Variants in CFAP92 observed in about 807,000 individuals in gnomAD.
CFAP92 encodes cilia and flagella associated protein 92 (putative), also known as uncharacterized protein CFAP92.
A neutral mutation model predicts 106.3 loss-of-function variants in CFAP92; 86 were observed. The ratio of observed to expected loss-of-function variants is 0.81; its 90% CI spans 0.68 to 0.97. CFAP92 has a LOEUF of 0.97. Among genes scored for constraint, CFAP92 ranks in the 50% least tolerant of loss-of-function variants. CFAP92 has a pLI of 0.00. For synonymous variants in CFAP92, 477 were observed against 506.4 expected (o/e 0.94, Z 0.78); for missense variants, 1,204 against 1,283.8 (o/e 0.94, Z 0.95).
rs1936089576 is a variant in CFAP92, at chr3:128,910,050, G to A, written c.*249C>T. The A allele has an allele frequency of 6.2e-7, 1 of 1,613,932 alleles. No homozygotes were observed. The highest frequency in any genetic ancestry group is 8.5e-7 in the Non-Finnish European group (1 of 1,179,990). ...TCATGGAGGAGCAGCTGGTACTGAA[G>A]CGGGTGGCCAACATCCTCATCAACC... On this transcript the variant is annotated 3_prime_UTR_variant, in exon 16 of 16. Coordinates refer to ENST00000645291, the MANE Select transcript of CFAP92 (RefSeq NM_001394090.1).
chr3:128,981,814 G>T (rs1943554466), intron 4 of CFAP92, among the ~76,000 whole-genome samples: 2 of 152,230 alleles, frequency 1.3e-5, no homozygotes, highest in Admixed American at 6.5e-5. Flanking sequence ...CTCCATCAGA[G>T]ACCTCAGGCA....
At chr3:128,944,142 C>T (rs892582104) in intron 10 of CFAP92, among the ~76,000 whole-genome samples, 1 of 151,738 alleles carries the variant, frequency 6.6e-6, no homozygotes, top group East Asian at 1.9e-4. Context: ...GTTGCCCAGG[C>T]TGGTCTTGAA....
At chr3:128,950,617 A>G (rs1940686185) in intron 9 of CFAP92, among the ~76,000 whole-genome samples, 1 of 152,180 alleles carries the variant, frequency 6.6e-6, no homozygotes, top group Admixed American at 6.5e-5. Context: ...ATTACAGCAA[A>G]AGAGACAAAG....
chr3:128,931,702 T>C (rs751890573), intron 12 of CFAP92, among the ~76,000 whole-genome samples: 18 of 151,910 alleles, frequency 1.2e-4, no homozygotes, highest in Non-Finnish European at 2.6e-4. Flanking sequence ...CTGATTCTTT[T>C]GAAAAAGCTA....
At chr3:128,927,723 C>CTAA (rs1937839589) in intron 12 of CFAP92, among the ~76,000 whole-genome samples, 1 of 107,726 alleles carries the variant, frequency 9.3e-6, no homozygotes, top group Admixed American at 1.0e-4. Context: ...GACTCTGTCT[C>CTAA]AAAAAAAAAA....
intron 4 of CFAP92, among the ~76,000 whole-genome samples, chr3:128,987,161 G>A (rs149360179): frequency 0.02 from 3,067 of 151,148 alleles, 116 homozygotes; most frequent in African/African-American, 0.07. Context: ...ACTCCATCTC[G>A]AAAGAAAAAA....
At chr3:128,978,779 C>T (rs530011480) in intron 4 of CFAP92, among the ~76,000 whole-genome samples, 19 of 152,316 alleles carry the variant, frequency 1.2e-4, no homozygotes, top group Admixed American at 6.5e-4. Context: ...TGGATCCCTT[C>T]CTTACACCTT....
upstream of CFAP92, among the ~76,000 whole-genome samples, chr3:128,997,298 A>G (rs1944516308): frequency 6.6e-6 from 1 of 152,148 alleles, no homozygotes; most frequent in African/African-American, 2.4e-5. Context: ...CCCCTTCCCC[A>G]TTTTTAACAG....
chr3:129,002,218 G>T, intron 1 of CFAP92: 1 of 1,529,086 alleles, frequency 6.5e-7, no homozygotes, highest in Non-Finnish European at 8.7e-7. Flanking sequence ...GGTCCTGACT[G>T]TGAGCGCGTT....
intron 9 of CFAP92, among the ~76,000 whole-genome samples, chr3:128,958,843 G>T (rs1941646946): frequency 6.6e-6 from 1 of 152,092 alleles, no homozygotes; most frequent in Non-Finnish European, 1.5e-5. Flanking sequence ...TGAGGCTGCA[G>T]TAAGTTATGA....
At chr3:128,958,622 C>G (rs894389275) in intron 9 of CFAP92, among the ~76,000 whole-genome samples, 1 of 152,190 alleles carries the variant, frequency 6.6e-6, no homozygotes, top group African/African-American at 2.4e-5. Context: ...ACAAAAAGGG[C>G]TGGCACTGTG....
At chr3:128,987,029 C>T (rs776348760) in intron 4 of CFAP92, among the ~76,000 whole-genome samples, 66 of 152,124 alleles carry the variant, frequency 4.3e-4, no homozygotes, top group Non-Finnish European at 8.2e-4. Context: ...GGCGTGGTGG[C>T]GCATGCCTGG....
chr3:128,945,681 T>A lies in CFAP92; in HGVS notation c.1648A>T (p.Asn550Tyr). Residue 550 changes from asparagine (N) to tyrosine (Y), a missense_variant, in exon 10 of 16, where the codon AAC becomes TAC. Coordinates refer to ENST00000645291, the MANE Select transcript of CFAP92 (RefSeq NM_001394090.1). ...QALISPRETE[N>Y]NPFESQNKMW... The stretch of plus-strand genomic sequence containing the variant: ...TTGTTCTGGGACTCAAAGGGGTTGT[T>A]CTCTGTCTCTCTGGGAGAGATGAGG... 1 of 1,536,082 alleles carries A rather than the reference T, an allele frequency of 6.5e-7. No homozygotes were observed. The highest frequency in any genetic ancestry group is 8.7e-7 in the Non-Finnish European group (1 of 1,146,908).
At chr3:128,953,887 G>C (rs1300209408) in intron 9 of CFAP92, among the ~76,000 whole-genome samples, 1 of 117,094 alleles carries the variant, frequency 8.5e-6, no homozygotes. Flanking sequence ...GATTGCAGAC[G>C]GAGTCTCGTT....
chr3:129,008,136 A>T, the CFAP92 span, among the ~76,000 whole-genome samples: 1 of 152,240 alleles, frequency 6.6e-6, no homozygotes. Context: ...TAATTTTGAT[A>T]CTTAGCGTGG....
chr3:128,991,703 T>C (rs1169269569), intron 2 of CFAP92: 16 of 951,646 alleles, frequency 1.7e-5, no homozygotes, highest in Non-Finnish European at 2.0e-5. Context: ...CACCAAGGCG[T>C]TCATTGAAAC....
At chr3:129,012,501 C>G in the CFAP92 span, among the ~76,000 whole-genome samples, 1 of 152,184 alleles carries the variant, frequency 6.6e-6, no homozygotes, top group African/African-American at 2.4e-5. Context: ...AGATTCATGA[C>G]TTTCCAAATT....
intron 15 of CFAP92, chr3:128,914,779 C>T (rs895054139): frequency 4.6e-6 from 1 of 215,772 alleles, no homozygotes; most frequent in Non-Finnish European, 9.3e-6. Flanking sequence ...CTTGGCTGGA[C>T]ACCTAGAGAT....
At chr3:128,968,554 C>T (rs1182015676) in intron 8 of CFAP92, 5 of 151,580 alleles carry the variant, frequency 3.3e-5, no homozygotes, top group African/African-American at 1.2e-4. Flanking sequence ...GGCCTCAGGA[C>T]AGCTGCTGCC....
Sources: allele counts gnomAD v4.1 joint callset (sites outside exome capture counted in the v4.1 genomes callset), GRCh38; gene constraint gnomAD v4.1.1; transcripts MANE v1.5; gene names NCBI Gene and HGNC (gene_info 2026-07-23, HGNC 2026-07-21).